Variants in FANCA observed in about 807,000 individuals in gnomAD.
The protein encoded by FANCA is Fanconi anemia group A protein.
A neutral mutation model predicts 194.3 loss-of-function variants in FANCA; 236 were observed. The observed-to-expected ratio is 1.21, with a 90% CI of 1.09 to 1.35. The LOEUF is 1.35. Ranked by LOEUF, FANCA falls within the 40% of genes most tolerant of loss-of-function variation. The pLI, the probability that FANCA is intolerant of heterozygous loss-of-function variation, is 0.00. For synonymous variants in FANCA, 1,014 were observed against 715.8 expected (o/e 1.42, Z -6.65); for missense variants, 2,628 against 1,813.9 (o/e 1.45, Z -8.15).
At chr16:89,767,951 G>C (rs2039188773) in intron 26 of FANCA, among the ~76,000 whole-genome samples, 1 of 152,138 alleles carries the variant, frequency 6.6e-6, no homozygotes, top group African/African-American at 2.4e-5. Context: ...CACTCAAAGT[G>C]CTGGGATTAC....
At position 89,758,590 on chromosome 16, in the gene FANCA, C is replaced by T. The variant is rs1060501883; in HGVS notation, c.2968G>A (p.Asp990Asn). 1.1e-5 allele frequency: 17 copies of T among 1,613,642 alleles called. No individual in the cohort carries two copies. The highest frequency in any genetic ancestry group is 8.5e-7 in the Non-Finnish European group (1 of 1,179,758). ...TGTGCTGCTAACCTTTGGTGGAAAT[C>T]CATCAGTGCGTTGACAAGAATGGTA... Reference protein sequence around the residue: ...ACTILVNALMDFHQSSRSYDH... With the variant: ...ACTILVNALMNFHQSSRSYDH... Residue 990 changes from aspartate (D) to asparagine (N), a missense_variant, in exon 30 of 43, where the codon GAT (aspartate) becomes AAT (asparagine). Asp to Asn is a conservative substitution (Grantham distance 23). Coordinates refer to ENST00000389301, the MANE Select transcript of FANCA (RefSeq NM_000135.4).
At chr16:89,789,184 G>A (rs532704695) in intron 14 of FANCA, among the ~76,000 whole-genome samples, 25 of 152,026 alleles carry the variant, frequency 1.6e-4, no homozygotes, top group African/African-American at 5.5e-4. Context: ...CCTGAGGGCA[G>A]GTGAGAAGGA....
intron 15 of FANCA, among the ~76,000 whole-genome samples, chr16:89,783,774 T>C (rs890019019): frequency 2.0e-5 from 3 of 152,008 alleles, no homozygotes; most frequent in African/African-American, 4.8e-5. Context: ...GCGTGTTTTT[T>C]TCTTTTGAGA....
At chr16:89,767,857 ATTT>A (rs57382049) in intron 26 of FANCA, among the ~76,000 whole-genome samples, 2 of 151,682 alleles carry the variant, frequency 1.3e-5, no homozygotes, top group African/African-American at 4.8e-5. Context: ...CGAGTTTTTA[ATTT>A]TTTTTAGTAG....
intron 30 of FANCA, among the ~76,000 whole-genome samples, chr16:89,753,134 C>A (rs2038654219): frequency 6.6e-6 from 1 of 152,184 alleles, no homozygotes; most frequent in South Asian, 2.1e-4. Context: ...ATGGCGTAAG[C>A]TGTCTTTCTC....
intron 5 of FANCA, among the ~76,000 whole-genome samples, chr16:89,808,813 C>G (rs899316059): frequency 1.3e-5 from 2 of 152,174 alleles, no homozygotes; most frequent in Admixed American, 6.6e-5. Flanking sequence ...TTTGATAAAA[C>G]AGGATCTGCT....
At chr16:89,770,360 G>C (rs1249069535) in intron 24 of FANCA, 101 bp from the exon 25 acceptor site, 7 of 1,192,598 alleles carry the variant, frequency 5.9e-6, no homozygotes, top group Non-Finnish European at 8.5e-6. Flanking sequence ...GAGCCAAGCT[G>C]TTCCCCAAAA....
Position 89,803,256 on chromosome 16 carries a change from T to C in FANCA, c.792+3A>G. 3.1e-6 allele frequency: 5 copies of C among 1,614,054 alleles called. No individual in the cohort carries two copies. The highest frequency in any genetic ancestry group is 4.2e-6 in the Non-Finnish European group (5 of 1,179,868). ...AAACTCTTCACTTGACTTTTCCTCC[T>C]ACCTGCGGCATTTTTTCAGGCTCCA... On this transcript the variant is annotated splice_donor_region_variant and intron_variant, in intron 8 of 42. Coordinates refer to ENST00000389301, the MANE Select transcript of FANCA (RefSeq NM_000135.4).
rs2062054021 is a variant in FANCA, at chr16:89,739,146, T to C, written c.4154A>G (p.Glu1385Gly). The C allele has an allele frequency of 1.2e-6, 2 of 1,613,988 alleles. No homozygotes were observed. Among genetic ancestry groups the C allele is most frequent in the Non-Finnish European group, 1.7e-6 (2 of 1,180,034 alleles). ...CCTTGCACCTGCCTGACCCTTGAGCTCCAGGCTCCTGCCAGCTGGAGGTGA... is the reference window on the plus strand; with the variant it reads ...CCTTGCACCTGCCTGACCCTTGAGCCCCAGGCTCCTGCCAGCTGGAGGTGA... The part of the protein sequence containing the change: ...TVSPPAGRSL[E>G]LKGQGNPVEL... The change falls in exon 41 of 43, where the codon GAG (glutamate) becomes GGG (glycine). Residue 1385 changes from glutamate (E) to glycine (G), a missense_variant. Coordinates refer to ENST00000389301, the MANE Select transcript of FANCA (RefSeq NM_000135.4).
At chr16:89,771,886 T>G (rs996733192) in intron 22 of FANCA, 72 bp from the exon 23 acceptor site, 77 of 1,570,416 alleles carry the variant, frequency 4.9e-5, no homozygotes, top group Non-Finnish European at 6.6e-5. Context: ...CCTAGAGAGC[T>G]CCGCCTCCCG....
Position 89,808,318 on chromosome 16 carries a change from A to C in FANCA, c.572T>G (p.Val191Gly), listed in dbSNP as rs1245987879. The change falls in exon 6 of 43, where the codon GTG (valine) becomes GGG (glycine). Residue 191 changes from valine to glycine, a missense_variant. By Grantham distance (109) the Val-to-Gly change is moderately radical (BLOSUM62 -3). Transcript: ENST00000389301. ...AVWHLHVQGI[V>G]SLQELLESHP... Reference sequence around the variant, plus strand: ...CCTTTCCAGCAGCTCTTGCAGGCTCACAATGCCTTGTACGTGAAGATGCCA... The same window carrying C: ...CCTTTCCAGCAGCTCTTGCAGGCTCCCAATGCCTTGTACGTGAAGATGCCA... The C allele has an allele frequency of 3.1e-6, 5 of 1,614,178 alleles. No homozygotes were observed. The highest frequency in any genetic ancestry group is 4.2e-6 in the Non-Finnish European group (5 of 1,180,018).
chr16:89,780,012 C>T (rs2039646898), intron 17 of FANCA, 55 bp from the exon 18 acceptor site: 1 of 1,519,848 alleles, frequency 6.6e-7, no homozygotes, highest in Non-Finnish European at 9.1e-7. Context: ...AAAGAAAAGA[C>T]TGAGCAGTGA....
chr16:89,738,848 C>T (rs754622518), intron 42 of FANCA, 34 bp downstream of exon 42: 2 of 1,614,192 alleles, frequency 1.2e-6, no homozygotes, highest in Non-Finnish European at 1.7e-6. Context: ...TCTCATGTCC[C>T]CCACATGGCC....
In FANCA at chr16:89,810,782, T is replaced by C; in HGVS notation, c.447A>G (p.Leu149=). The change falls in exon 5 of 43, where the codon TTA becomes TTG. Residue 149 remains leucine (L), a synonymous_variant. Coordinates refer to ENST00000389301, the MANE Select transcript of FANCA (RefSeq NM_000135.4). ...GTGCCAATAAATACTGAGCAAACTC[T>C]AACAGGGAAGACAGCTTCTTCTGAA... The part of the protein sequence containing the change: ...VEQRKKLSSL[L]EFAQYLLAHS... The C allele has an allele frequency of 6.2e-7, 1 of 1,613,564 alleles. No individual in the cohort carries two copies. Among genetic ancestry groups the C allele is most frequent in the South Asian group, 1.1e-5 (1 of 91,070 alleles).
intron 36 of FANCA, 80 bp from the exon 37 acceptor site, chr16:89,743,018 C>T: frequency 1.3e-6 from 2 of 1,532,944 alleles, no homozygotes; most frequent in Non-Finnish European, 1.8e-6. Flanking sequence ...TTATTCCCAC[C>T]TGTCACCTTT....
At chr16:89,810,889 T>C (rs762137551) in intron 4 of FANCA, 40 bp downstream of exon 4, 2 of 1,614,110 alleles carry the variant, frequency 1.2e-6, no homozygotes, top group South Asian at 2.2e-5. Context: ...AGCTTAAAAG[T>C]AACAACGGGC....
At chr16:89,783,540 G>C (rs924564234) in intron 15 of FANCA, among the ~76,000 whole-genome samples, 4 of 147,738 alleles carry the variant, frequency 2.7e-5, no homozygotes, top group Non-Finnish European at 6.0e-5. Context: ...GACACAGTGA[G>C]ACTTCATTTC....
chr16:89,793,158 C>T (rs767671517), intron 11 of FANCA, among the ~76,000 whole-genome samples: 9 of 152,014 alleles, frequency 5.9e-5, no homozygotes, highest in Non-Finnish European at 8.8e-5. Context: ...TCTAAACTCC[C>T]GGGGGGAAAG....
In FANCA at chr16:89,799,578, G is replaced by C. The variant is rs751717760; in HGVS notation, c.826+27C>G. On this transcript the variant is annotated intron_variant, in intron 9 of 42. Transcript: ENST00000389301. ...TAATAAGCAAACTAAGTCATTTACA[G>C]TCTGGGCTGCAGTGCAATTAACTTA... The C allele has an allele frequency of 2.7e-5, 44 of 1,607,086 alleles. No homozygotes were observed. The South Asian group carries it at 3.6e-4, about 13-fold the overall frequency.
Sources: gnomAD v4.1 joint callset for allele counts (sites outside exome capture counted in the v4.1 genomes callset) on GRCh38, gnomAD v4.1.1 for gene constraint, MANE v1.5 for transcripts, NCBI Gene and HGNC (gene_info 2026-07-23, HGNC 2026-07-21) for gene names.